The following ARHGAP17 variants were observed in gnomAD, a reference collection of about 807,000 sequenced individuals.
ARHGAP17 encodes the protein rho GTPase-activating protein 17.
A neutral mutation model predicts 99.5 loss-of-function variants in ARHGAP17; 57 were observed. That is an observed-to-expected ratio of 0.57 (90% CI 0.46 to 0.71). The LOEUF is 0.71. Ranked by LOEUF, ARHGAP17 falls within the 30% of genes least tolerant of loss-of-function variation. The probability of loss-of-function intolerance (pLI) is 0.00; values close to 1 mark genes in which losing one functional copy is unlikely to be tolerated. For synonymous variants in ARHGAP17, 417 were observed against 429.6 expected (o/e 0.97, Z 0.36); for missense variants, 1,000 against 1,122.4 (o/e 0.89, Z 1.56).
intron 1 of ARHGAP17, among the ~76,000 whole-genome samples, chr16:24,983,665 T>C (rs892145420): frequency 2.6e-5 from 4 of 152,202 alleles, no homozygotes; most frequent in Admixed American, 1.3e-4. Context: ...TTTTCTGCTT[T>C]GTCAGAGCCT....
rs560681214 is a variant in ARHGAP17, at chr16:24,940,638, C to T, written c.1491-1041G>A. Among the ~76,000 whole-genome samples, 4 of 152,218 alleles carry T rather than the reference C, an allele frequency of 2.6e-5. No homozygotes were observed. In the East Asian group the frequency reaches 7.7e-4, roughly 29 times the overall value. ...GCTGCCTGAGCCCAGGAGGTCAAGG[C>T]TGCTGTGAGCCATGATCATACCACT... On this transcript the variant is annotated intron_variant, in intron 16 of 19. Transcript: ENST00000289968.
chr16:24,993,184 A>C (rs2053099507), intron 1 of ARHGAP17, among the ~76,000 whole-genome samples: 1 of 152,210 alleles, frequency 6.6e-6, no homozygotes, highest in African/African-American at 2.4e-5. Context: ...AAAAAAATTA[A>C]TAGTAATATT....
At chr16:24,939,179 C>T (rs111666438) in intron 17 of ARHGAP17, among the ~76,000 whole-genome samples, 185 bp downstream of exon 17, 2,830 of 152,296 alleles carry the variant, frequency 0.019, 84 homozygotes, top group African/African-American at 0.064. Flanking sequence ...CTTTGGAAAA[C>T]ATAAAAAGAA....
At chr16:24,982,567 G>A (rs1342711575) in intron 1 of ARHGAP17, among the ~76,000 whole-genome samples, 1 of 152,066 alleles carries the variant, frequency 6.6e-6, no homozygotes, top group Non-Finnish European at 1.5e-5. Flanking sequence ...GCTGGCCTGT[G>A]GACTCTCCAT....
Position 24,964,185 on chromosome 16 carries a change from G to T in ARHGAP17, c.573+12C>A. On this transcript the variant is annotated intron_variant, in intron 7 of 19. Transcript: ENST00000289968. ...AAACCGAAAAGATACATTTATCAAG[G>T]AATTCTCATACCTTGCACTGTTCTA... 2 of 1,504,864 alleles carry T rather than the reference G, an allele frequency of 1.3e-6. No homozygotes were observed. Among genetic ancestry groups the T allele is most frequent in the South Asian group, 1.3e-5 (1 of 75,340 alleles). The allele number at this position is 1,504,864 out of a possible 1,614,324, so 93.2% of individuals were successfully genotyped here.
chr16:24,969,567 C>G (rs570801144), intron 4 of ARHGAP17, among the ~76,000 whole-genome samples: 2 of 152,310 alleles, frequency 1.3e-5, no homozygotes, highest in Admixed American at 6.5e-5. Flanking sequence ...TAACATGGTT[C>G]TAAGTGCTGA....
At chr16:24,987,937 T>C (rs1430698537) in intron 1 of ARHGAP17, among the ~76,000 whole-genome samples, 1 of 152,244 alleles carries the variant, frequency 6.6e-6, no homozygotes, top group African/African-American at 2.4e-5. Flanking sequence ...GGTAACAACA[T>C]AAACATTACT....
chr16:24,974,068 C>T (rs1267382344), intron 3 of ARHGAP17, among the ~76,000 whole-genome samples: 2 of 152,158 alleles, frequency 1.3e-5, no homozygotes, highest in Non-Finnish European at 2.9e-5. Flanking sequence ...AGCCAGTGTC[C>T]CTCAGAAGAA....
chr16:24,980,408 G>A (rs745926940), intron 1 of ARHGAP17, among the ~76,000 whole-genome samples: 1 of 152,190 alleles, frequency 6.6e-6, no homozygotes, highest in Non-Finnish European at 1.5e-5. Context: ...CTGGAATGCT[G>A]ACCTGACTCA....
At chr16:25,012,070 C>T (rs1396726088) in intron 1 of ARHGAP17, among the ~76,000 whole-genome samples, 2 of 152,160 alleles carry the variant, frequency 1.3e-5, no homozygotes, top group African/African-American at 4.8e-5. Context: ...AGAAACCATG[C>T]CCGTATTCAC....
At chr16:24,967,778 C>CAAA (rs940394750) in intron 6 of ARHGAP17, among the ~76,000 whole-genome samples, 4 of 59,420 alleles carry the variant, frequency 6.7e-5, no homozygotes, top group Admixed American at 1.8e-4. Flanking sequence ...GACCTTGACT[C>CAAA]AAAAAAAAAA....
chr16:24,958,228 T>C (rs2051868874), intron 9 of ARHGAP17, among the ~76,000 whole-genome samples: 2 of 129,010 alleles, frequency 1.6e-5, no homozygotes, highest in South Asian at 4.9e-4. Flanking sequence ...AGTGAGACTT[T>C]GTCTCTTTAA....
chr16:25,000,424 C>G (rs1412318829), intron 1 of ARHGAP17, among the ~76,000 whole-genome samples: 1 of 152,302 alleles, frequency 6.6e-6, no homozygotes, highest in East Asian at 1.9e-4. Flanking sequence ...CTAAGCATTG[C>G]TTGGACAACT....
intron 3 of ARHGAP17, 59 bp downstream of exon 3, chr16:24,977,156 G>T: frequency 7.3e-7 from 1 of 1,370,186 alleles, no homozygotes. Context: ...CCAATCCAGG[G>T]GTTGAAAAGC....
chr16:24,931,248 T>C lies in ARHGAP17; in HGVS notation c.2051A>G (p.Gln684Arg). The C allele has an allele frequency of 7.4e-7, 1 of 1,359,980 alleles. No individual in the cohort carries two copies. Among genetic ancestry groups the C allele is most frequent in the Non-Finnish European group, 9.7e-7 (1 of 1,028,894 alleles). The allele number at this position is 1,359,980 out of a possible 1,614,324, so 84.2% of individuals were successfully genotyped here. A position where few individuals can be genotyped will look rare whatever the true frequency, so the allele number is the denominator to read the frequency against. Residue 684 changes from glutamine (Q) to arginine (R), a missense_variant, in exon 19 of 20, where the codon CAG (glutamine) becomes CGG (arginine). Coordinates refer to ENST00000289968, the MANE Select transcript of ARHGAP17 (RefSeq NM_001006634.3). ...SPSPPTQHTGQPPGQPSAPSQ... is the reference protein window; with the variant it reads ...SPSPPTQHTGRPPGQPSAPSQ... ...GGGGGCGGAGGGCTGGCCTGGAGGCTGGCCCGTGTGCTGGGTGGGAGGAGA... is the reference window on the plus strand; with the variant it reads ...GGGGGCGGAGGGCTGGCCTGGAGGCCGGCCCGTGTGCTGGGTGGGAGGAGA...
rs143192972 is a variant in ARHGAP17, at chr16:24,980,899, G to A, written c.54-1894C>T. Among the ~76,000 whole-genome samples, 1,284 of 152,178 alleles carry A rather than the reference G, an allele frequency of 8.4e-3. 6 individuals carry two copies. Among genetic ancestry groups the A allele is most frequent in the South Asian group, 0.017 (84 of 4,822 alleles). On this transcript the variant is annotated intron_variant, in intron 1 of 19. Coordinates refer to ENST00000289968, the MANE Select transcript of ARHGAP17 (RefSeq NM_001006634.3). ...TAAAATGACTTCCTTCTGTAAGTAC[G>A]AGTATACACAGAGAAGTCTCAAGGC...
Position 24,931,275 on chromosome 16 carries a change from G to A in ARHGAP17, c.2024C>T (p.Pro675Leu). Reference sequence around the variant, plus strand: ...GCCCGTGTGCTGGGTGGGAGGAGAGGGGCTTCGGGTGGGTGGCTTTGGTGA... The same window carrying A: ...GCCCGTGTGCTGGGTGGGAGGAGAGAGGCTTCGGGTGGGTGGCTTTGGTGA... Reference protein sequence around the residue: ...SLSPKPPTRSPSPPTQHTGQP... With the variant: ...SLSPKPPTRSLSPPTQHTGQP... Residue 675 changes from proline to leucine, a missense_variant, in exon 19 of 20, where the codon CCC becomes CTC. Transcript: ENST00000289968. 5 of 1,532,224 alleles carry A rather than the reference G, an allele frequency of 3.3e-6. No homozygotes were observed. Among genetic ancestry groups the A allele is most frequent in the Non-Finnish European group, 2.6e-6 (3 of 1,139,816 alleles). 94.9% of individuals were successfully genotyped at this position (1,532,224 alleles called of 1,614,324 possible).
intron 1 of ARHGAP17, among the ~76,000 whole-genome samples, chr16:24,994,678 T>C (rs2053143904): frequency 6.6e-6 from 1 of 152,138 alleles, no homozygotes; most frequent in African/African-American, 2.4e-5. Context: ...TAAGTATTAT[T>C]ACCCCCGTGT....
intron 1 of ARHGAP17, among the ~76,000 whole-genome samples, chr16:24,992,264 G>C (rs1347602666): frequency 1.3e-5 from 2 of 152,200 alleles, no homozygotes. Context: ...TGGATATCTA[G>C]ACGAGAGACA....
Sources: allele counts gnomAD v4.1 joint callset (sites outside exome capture counted in the v4.1 genomes callset), GRCh38; gene constraint gnomAD v4.1.1; transcripts MANE v1.5; gene names NCBI Gene and HGNC (gene_info 2026-07-23, HGNC 2026-07-21).